The following FAM193A variants were observed in gnomAD, a reference collection of about 807,000 sequenced individuals.
The protein encoded by FAM193A is family with sequence similarity 193 member A.
A neutral mutation model predicts 126.5 loss-of-function variants in FAM193A; 22 were observed. The observed-to-expected ratio is 0.17, with a 90% CI of 0.12 to 0.25. The LOEUF is 0.25. Among genes scored for constraint, FAM193A ranks in the 10% least tolerant of loss-of-function variants. FAM193A has a pLI of 1.00. For missense variants in FAM193A, 1,675 were observed against 1,672.8 expected (o/e 1.00, Z -0.02); for synonymous variants, 761 against 646.8 (o/e 1.18, Z -2.68).
At chr4:2,635,176 T>C (rs187224637) in intron 5 of FAM193A, among the ~76,000 whole-genome samples, 1 of 152,356 alleles carries the variant, frequency 6.6e-6, no homozygotes, top group Admixed American at 6.5e-5. Context: ...GGTTGGGTTA[T>C]TCCAATCAGG....
chr4:2,666,636 C>G (rs1460139239), intron 12 of FAM193A, among the ~76,000 whole-genome samples: 5 of 152,048 alleles, frequency 3.3e-5, no homozygotes, highest in Non-Finnish European at 5.9e-5. Context: ...TCCTGTAGGC[C>G]TGGTCTCTTT....
chr4:2,541,899 C>T (rs571926630), intron 1 of FAM193A, among the ~76,000 whole-genome samples: 18 of 152,038 alleles, frequency 1.2e-4, no homozygotes, highest in Admixed American at 7.9e-4. Context: ...GGCGCCATCT[C>T]GGCTCACTGC....
intron 12 of FAM193A, among the ~76,000 whole-genome samples, chr4:2,668,585 T>G (rs894968728): frequency 1.3e-5 from 2 of 152,226 alleles, no homozygotes; most frequent in South Asian, 2.1e-4. Context: ...ATACAAACTT[T>G]GCTCCGCAGG....
At chr4:2,617,240 T>TTA (rs1553895142) in intron 2 of FAM193A, among the ~76,000 whole-genome samples, 5,187 of 35,248 alleles carry the variant, frequency 0.15, 817 homozygotes, top group Non-Finnish European at 0.18. Context: ...TATGTTTTTA[T>TTA]TATATATATA....
intron 1 of FAM193A, among the ~76,000 whole-genome samples, chr4:2,553,475 G>A (rs1220934833): frequency 6.6e-6 from 1 of 151,138 alleles, no homozygotes; most frequent in East Asian, 2.0e-4. Context: ...CTGCCTCCCG[G>A]GTTCAAGAGA....
intron 1 of FAM193A, among the ~76,000 whole-genome samples, chr4:2,551,783 T>G (rs1039494535): frequency 6.6e-6 from 1 of 152,076 alleles, no homozygotes; most frequent in African/African-American, 2.4e-5. Flanking sequence ...TTTGATTTTT[T>G]TTTTTAAACA....
intron 13 of FAM193A, among the ~76,000 whole-genome samples, chr4:2,688,672 G>A (rs1342079613): frequency 6.6e-6 from 1 of 152,216 alleles, no homozygotes; most frequent in Non-Finnish European, 1.5e-5. Flanking sequence ...ATTCAACAAA[G>A]ATCACTCTGG....
intron 2 of FAM193A, among the ~76,000 whole-genome samples, chr4:2,607,011 C>A (rs1741587446): frequency 6.6e-6 from 1 of 152,100 alleles, no homozygotes; most frequent in Non-Finnish European, 1.5e-5. Context: ...TAGTTTGGCC[C>A]ATCAGTCACT....
chr4:2,657,993 G>A, intron 8 of FAM193A, 113 bp downstream of exon 8: 1 of 737,650 alleles, frequency 1.4e-6, no homozygotes, highest in Non-Finnish European at 2.3e-6. Context: ...GGACCACATT[G>A]GCATGTTTTG....
intron 1 of FAM193A, among the ~76,000 whole-genome samples, chr4:2,539,894 T>G (rs1025282591): frequency 1.4e-5 from 2 of 145,486 alleles, no homozygotes; most frequent in African/African-American, 5.1e-5. Flanking sequence ...AGGTCAGGAG[T>G]TCGAAACCAG....
intron 1 of FAM193A, among the ~76,000 whole-genome samples, chr4:2,544,909 C>T (rs914661768): frequency 6.6e-5 from 10 of 151,936 alleles, no homozygotes; most frequent in Non-Finnish European, 1.2e-4. Flanking sequence ...AACAATTTTC[C>T]GGATGTTCCC....
At position 2,672,279 on chromosome 4, in the gene FAM193A, C is replaced by A; in HGVS notation, c.2238C>A (p.Ile746=). The A allele has an allele frequency of 1.2e-6, 2 of 1,614,232 alleles. No homozygotes were observed. Among genetic ancestry groups the A allele is most frequent in the Non-Finnish European group, 1.7e-6 (2 of 1,180,044 alleles). The change falls in exon 13 of 21, where the codon ATC becomes ATA. Residue 746 remains isoleucine (I), a synonymous_variant. Coordinates refer to ENST00000637812, the MANE Select transcript of FAM193A (RefSeq NM_001366318.2). ...CTGCACTGCACCTTTACCCTCACAT[C>A]CATGGACATGTGCCTTTGCACACTG... ...THPALHLYPH[I]HGHVPLHTVP...
chr4:2,641,900 T>C (rs1432261322), intron 6 of FAM193A, among the ~76,000 whole-genome samples: 1 of 149,188 alleles, frequency 6.7e-6, no homozygotes, highest in Non-Finnish European at 1.5e-5. Flanking sequence ...GCCTAGGAGC[T>C]GGAGACCAGA....
chr4:2,647,153 C>G (rs115681200), intron 7 of FAM193A, among the ~76,000 whole-genome samples: 1 of 150,810 alleles, frequency 6.6e-6, no homozygotes, highest in Non-Finnish European at 1.5e-5. Flanking sequence ...GGAGGTTTTT[C>G]TTTTTTTTTG....
intron 1 of FAM193A, among the ~76,000 whole-genome samples, chr4:2,561,787 G>T (rs151303451): frequency 1.3e-5 from 2 of 152,044 alleles, no homozygotes; most frequent in South Asian, 2.1e-4. Flanking sequence ...GTGAGCCACC[G>T]TACCCGGCTG....
At chr4:2,695,552 A>G (rs1377111895) in intron 17 of FAM193A, among the ~76,000 whole-genome samples, 1 of 152,164 alleles carries the variant, frequency 6.6e-6, no homozygotes, top group Non-Finnish European at 1.5e-5. Flanking sequence ...ATTATCACCC[A>G]CTGTTTAAGA....
At chr4:2,649,116 A>G (rs184512514) in intron 7 of FAM193A, among the ~76,000 whole-genome samples, 6 of 152,088 alleles carry the variant, frequency 3.9e-5, no homozygotes, top group African/African-American at 4.8e-5. Context: ...GCTCACACCT[A>G]TAATTTCAGC....
intron 2 of FAM193A, among the ~76,000 whole-genome samples, chr4:2,599,002 C>T (rs902743372): frequency 6.6e-6 from 1 of 152,178 alleles, no homozygotes; most frequent in African/African-American, 2.4e-5. Context: ...TGACCGGCCC[C>T]GTGTCTTGTG....
chr4:2,634,765 T>G lies in FAM193A; in HGVS notation c.1038+3596T>G, dbSNP rs116338163. ...TTGAAAAATCCTTCTCTGGTTATAGTATAATGACAGCTACAGAACATCAAA... is the reference window on the plus strand; with the variant it reads ...TTGAAAAATCCTTCTCTGGTTATAGGATAATGACAGCTACAGAACATCAAA... On this transcript the variant is annotated intron_variant, in intron 5 of 20. Coordinates refer to ENST00000637812, the MANE Select transcript of FAM193A (RefSeq NM_001366318.2). 3.7e-3 allele frequency among the ~76,000 whole-genome samples: 565 copies of G among 152,322 alleles called. 1 individual carries two copies. Among genetic ancestry groups the G allele is most frequent in the Non-Finnish European group, 5.8e-3 (394 of 68,028 alleles).
Sources: gnomAD v4.1 joint callset for allele counts (sites outside exome capture counted in the v4.1 genomes callset) on GRCh38, gnomAD v4.1.1 for gene constraint, MANE v1.5 for transcripts, NCBI Gene and HGNC (gene_info 2026-07-23, HGNC 2026-07-21) for gene names.